TUSC3: variants seen among roughly 807,000 people sequenced by gnomAD.
The protein encoded by TUSC3 is dolichyl-diphosphooligosaccharide--protein glycosyltransferase subunit TUSC3.
In TUSC3, 45 loss-of-function variants were observed where a neutral mutation model predicts 44.8. The ratio of observed to expected loss-of-function variants is 1.00; its 90% CI spans 0.79 to 1.29. The LOEUF (loss-of-function observed/expected upper bound fraction) is 1.29. Among genes scored for constraint, TUSC3 ranks in the 50% most tolerant of loss-of-function variants. TUSC3 has a pLI of 0.00. For missense variants in TUSC3, 519 were observed against 437.9 expected, an observed-to-expected ratio of 1.19 and a Z score of -1.65; for synonymous variants, 212 against 152.9, an observed-to-expected ratio of 1.39 and a Z score of -2.85.
the TUSC3 span, among the ~76,000 whole-genome samples, chr8:15,789,060 A>C: frequency 2.0e-5 from 3 of 152,226 alleles, no homozygotes; most frequent in Non-Finnish European, 2.9e-5. Context: ...TGCCATTTCA[A>C]GGAAACAGAA....
intron 2 of TUSC3, among the ~76,000 whole-genome samples, chr8:15,643,402 TGTTA>T (rs1205954307): frequency 1.4e-5 from 2 of 138,442 alleles, no homozygotes; most frequent in South Asian, 2.4e-4. Context: ...AATATGTTAC[TGTTA>T]GTTGTTTTTT....
At chr8:15,592,512 C>T (rs1244814762) in intron 1 of TUSC3, among the ~76,000 whole-genome samples, 1 of 152,016 alleles carries the variant, frequency 6.6e-6, no homozygotes, top group Non-Finnish European at 1.5e-5. Flanking sequence ...CATGTGAGAG[C>T]TGGTTGTTTA....
chr8:15,606,879 T>C (rs1025102050), intron 1 of TUSC3, among the ~76,000 whole-genome samples: 2 of 152,090 alleles, frequency 1.3e-5, no homozygotes, highest in Admixed American at 1.3e-4. Context: ...TTGGTACAGT[T>C]TTAACTTACG....
At chr8:15,695,779 G>C (rs966429592) in intron 6 of TUSC3, among the ~76,000 whole-genome samples, 1 of 152,176 alleles carries the variant, frequency 6.6e-6, no homozygotes, top group East Asian at 1.9e-4. Context: ...GAGCAAAGGC[G>C]ACTCTTGTTA....
chr8:15,807,043 C>T, the TUSC3 span: 43 of 1,421,146 alleles, frequency 3.0e-5, no homozygotes, highest in Admixed American at 3.9e-4. Flanking sequence ...TCCTGGTTAT[C>T]GGCGATGTGA....
At chr8:15,581,671 C>T (rs569795295) in intron 1 of TUSC3, among the ~76,000 whole-genome samples, 1 of 148,770 alleles carries the variant, frequency 6.7e-6, no homozygotes, top group South Asian at 2.1e-4. Context: ...GGCAGTCTGC[C>T]CGTTCTCAGA....
chr8:15,740,289 T>C (rs1811133197), intron 7 of TUSC3, among the ~76,000 whole-genome samples: 1 of 152,042 alleles, frequency 6.6e-6, no homozygotes, highest in Admixed American at 6.6e-5. Context: ...GCTAGAAACC[T>C]AGAAGGAGGA....
At chr8:15,665,097 C>G (rs142237672) in intron 5 of TUSC3, among the ~76,000 whole-genome samples, 160 of 151,468 alleles carry the variant, frequency 1.1e-3, no homozygotes, top group African/African-American at 3.6e-3. Flanking sequence ...TCTCATTTTT[C>G]CTTGGAAGTA....
chr8:15,660,743 A>C (rs1221666140), intron 4 of TUSC3, among the ~76,000 whole-genome samples: 2 of 151,804 alleles, frequency 1.3e-5, no homozygotes, highest in Admixed American at 1.3e-4. Flanking sequence ...TGTTTTGGCA[A>C]ATATTTTGTT....
chr8:15,459,403 C>T (rs1228553276), intron 1 of TUSC3, among the ~76,000 whole-genome samples: 2 of 151,812 alleles, frequency 1.3e-5, no homozygotes, highest in African/African-American at 4.8e-5. Context: ...ATTTTTTTTA[C>T]ACTTTAACCA....
intron 7 of TUSC3, among the ~76,000 whole-genome samples, chr8:15,738,494 T>G (rs1025499544): frequency 1.3e-5 from 2 of 152,180 alleles, no homozygotes; most frequent in Admixed American, 6.5e-5. Flanking sequence ...CCCATTCATT[T>G]ACGTATTGCC....
At chr8:15,464,804 T>C (rs1800393128) in intron 1 of TUSC3, among the ~76,000 whole-genome samples, 2 of 152,208 alleles carry the variant, frequency 1.3e-5, no homozygotes, top group African/African-American at 4.8e-5. Context: ...GGCTCTTCTT[T>C]CCTGTCCAAA....
At chr8:15,646,606 G>T (rs968798551) in intron 2 of TUSC3, among the ~76,000 whole-genome samples, 1 of 151,716 alleles carries the variant, frequency 6.6e-6, no homozygotes, top group African/African-American at 2.4e-5. Context: ...TTAGATTATA[G>T]TACTGTTCAT....
chr8:15,523,060 C>T (rs903429278), intron 2 of TUSC3, among the ~76,000 whole-genome samples: 21 of 152,146 alleles, frequency 1.4e-4, no homozygotes, highest in African/African-American at 5.1e-4. Context: ...CTTTTCCAGG[C>T]TGTTCCATCA....
the TUSC3 span, among the ~76,000 whole-genome samples, chr8:15,772,083 C>T: frequency 7.3e-5 from 11 of 151,476 alleles, no homozygotes; most frequent in East Asian, 1.4e-3. Context: ...AGCAAGACTC[C>T]GTCTCAAAAA....
the TUSC3 span, among the ~76,000 whole-genome samples, chr8:15,795,639 A>C: frequency 1.3e-5 from 2 of 152,190 alleles, no homozygotes; most frequent in African/African-American, 4.8e-5. Context: ...TACACACAAG[A>C]AGCACAGTTC....
intron 1 of TUSC3, among the ~76,000 whole-genome samples, chr8:15,437,317 T>C (rs979675183): frequency 2.0e-5 from 3 of 152,204 alleles, no homozygotes; most frequent in Non-Finnish European, 4.4e-5. Flanking sequence ...TGAGGCTGTT[T>C]AGTCTAGACC....
At chr8:15,794,804 G>C in the TUSC3 span, among the ~76,000 whole-genome samples, 104,602 of 151,938 alleles carry the variant, frequency 0.69, 36,120 homozygotes, top group African/African-American at 0.73. Flanking sequence ...TTTATTATAC[G>C]AGACAGCAAA....
At chr8:15,470,583 C>G (rs552085370) in intron 1 of TUSC3, among the ~76,000 whole-genome samples, 2 of 152,190 alleles carry the variant, frequency 1.3e-5, no homozygotes, top group South Asian at 4.1e-4. Context: ...ACTTTCTGCC[C>G]AATTTTTCTA....
Sources: allele counts gnomAD v4.1 joint callset (sites outside exome capture counted in the v4.1 genomes callset), GRCh38; gene constraint gnomAD v4.1.1; transcripts MANE v1.5; gene names NCBI Gene and HGNC (gene_info 2026-07-23, HGNC 2026-07-21).